Variants in GRTP1 observed in about 807,000 individuals in gnomAD.
GRTP1 encodes the protein growth hormone regulated TBC protein 1, also known as growth hormone-regulated TBC protein 1.
A neutral mutation model predicts 38.1 loss-of-function variants in GRTP1; 56 were observed. The ratio of observed to expected loss-of-function variants is 1.47; its 90% CI spans 1.19 to 1.84. The LOEUF is 1.84. Ranked by LOEUF, GRTP1 falls within the 40% of genes most tolerant of loss-of-function variation. GRTP1 has a pLI of 0.00. For synonymous variants in GRTP1, 217 were observed against 189.5 expected, an observed-to-expected ratio of 1.14 and a Z score of -1.19; for missense variants, 506 against 453.9, an observed-to-expected ratio of 1.11 and a Z score of -1.04.
At position 113,340,197 on chromosome 13, in the gene GRTP1, T is replaced by C. The variant is rs1012520335; in HGVS notation, c.562+4666A>G. ...TACGATTACAGGTATGAGCCACAGA[T>C]TTATTTTTAAAAAACAGGAATTAAT... On this transcript the variant is annotated intron_variant, in intron 5 of 7. Coordinates refer to ENST00000375431, the MANE Select transcript of GRTP1 (RefSeq NM_024719.4). Among the ~76,000 whole-genome samples the C allele has an allele frequency of 2.0e-5, 3 of 151,774 alleles. 1 individual carries two copies. The East Asian group carries it at 5.8e-4, about 29-fold the overall frequency.
intron 4 of GRTP1, among the ~76,000 whole-genome samples, chr13:113,347,694 G>C (rs1224775600): frequency 9.6e-6 from 1 of 103,816 alleles, no homozygotes. Flanking sequence ...AGACCCGGGA[G>C]GACCTCTGTG....
intron 2 of GRTP1, among the ~76,000 whole-genome samples, chr13:113,356,115 G>A (rs1049474719): frequency 7.9e-5 from 12 of 152,148 alleles, no homozygotes; most frequent in Non-Finnish European, 1.8e-4. Context: ...TTAGGCAGAT[G>A]GAAAAGGTAT....
At chr13:113,328,657 C>T (rs1173448820) in intron 5 of GRTP1, among the ~76,000 whole-genome samples, 1 of 152,204 alleles carries the variant, frequency 6.6e-6, no homozygotes, top group Non-Finnish European at 1.5e-5. Context: ...GTAGCTGGGA[C>T]CACAGGTGTG....
At chr13:113,353,650 C>G (rs187593911) in intron 3 of GRTP1, among the ~76,000 whole-genome samples, 8 of 152,012 alleles carry the variant, frequency 5.3e-5, no homozygotes, top group Non-Finnish European at 8.8e-5. Context: ...GACAAGCGCA[C>G]AGCGGGATTG....
At chr13:113,346,119 AGGACCTCTGTGGACAAGAGCAGACCCG>A (rs1566429199) in intron 4 of GRTP1, among the ~76,000 whole-genome samples, 15 of 138,438 alleles carry the variant, frequency 1.1e-4, no homozygotes, top group African/African-American at 4.0e-4. Context: ...CAGACCCGGG[AGGACCTCTGTGGACAAGAGCAGACCCG>A]GGAGGACCTC....
intron 5 of GRTP1, chr13:113,339,329 T>A (rs1393994422): frequency 1.3e-5 from 2 of 152,252 alleles, no homozygotes; most frequent in African/African-American, 4.8e-5. Flanking sequence ...TTGCTTATGA[T>A]GTCTCTTACC....
At position 113,348,205 on chromosome 13, in the gene GRTP1, A is replaced by C. The variant is rs963798284; in HGVS notation, c.465+2644T>G. Among the ~76,000 whole-genome samples the C allele has an allele frequency of 6.6e-6, 1 of 152,200 alleles. No homozygotes were observed. Among genetic ancestry groups the C allele is most frequent in the Admixed American group, 6.5e-5 (1 of 15,278 alleles). ...GCCAGGCACAGTGGGGGATCCCAGC[A>C]CTGTGAGAGGTAGAGGCAGGAGGAT... On this transcript the variant is annotated intron_variant, in intron 4 of 7. Coordinates refer to ENST00000375431, the MANE Select transcript of GRTP1 (RefSeq NM_024719.4). This position sits in a 1 kb window ranked among gnomAD's most constrained non-coding sequence, Gnocchi z 4.8.
In GRTP1 at chr13:113,324,473, A is replaced by G. The variant is rs765733123; in HGVS notation, c.*15T>C. 67 of 1,597,184 alleles carry G rather than the reference A, an allele frequency of 4.2e-5. No homozygotes were observed. Among genetic ancestry groups the G allele is most frequent in the Non-Finnish European group, 5.0e-5 (59 of 1,172,378 alleles). ...TCGTCAGTGTAGAGACGAGCAACGCAGGGGACAGGCACGCTCACCCCTGTG... is the reference window on the plus strand; with the variant it reads ...TCGTCAGTGTAGAGACGAGCAACGCGGGGGACAGGCACGCTCACCCCTGTG... On this transcript the variant is annotated 3_prime_UTR_variant, in exon 8 of 8. Transcript: ENST00000375431.
rs2043034274 is a variant in GRTP1, at chr13:113,342,107, T to C, written c.562+2756A>G. The stretch of plus-strand genomic sequence containing the variant: ...ACAGGCATCTGCCACCACACCTGTC[T>C]AATTTTTGTATTTTTAGTGGAGGTG... On this transcript the variant is annotated intron_variant, in intron 5 of 7. Coordinates refer to ENST00000375431, the MANE Select transcript of GRTP1 (RefSeq NM_024719.4). This position sits in a 1 kb window ranked among gnomAD's most constrained non-coding sequence, Gnocchi z 4.5. Among the ~76,000 whole-genome samples, 1 of 152,158 alleles carries C rather than the reference T, an allele frequency of 6.6e-6. No homozygotes were observed. Among genetic ancestry groups the C allele is most frequent in the Admixed American group, 6.5e-5 (1 of 15,274 alleles).
At chr13:113,355,258 T>C in intron 3 of GRTP1, 65 bp downstream of exon 3, 1 of 1,558,368 alleles carries the variant, frequency 6.4e-7, no homozygotes, top group African/African-American at 1.4e-5. Context: ...GGCTAGACAC[T>C]GGGTGGAAAC....
chr13:113,355,363 C>G lies in GRTP1; in HGVS notation c.300G>C (p.Gln100His), dbSNP rs376154757. Residue 100 changes from glutamine to histidine, a missense_variant, in exon 3 of 8, where the codon CAG (glutamine) becomes CAC (histidine). By Grantham distance (24) the Gln-to-His change is conservative. Transcript: ENST00000375431. Reference sequence around the variant, plus strand: ...CCTCCAGCCTGGGGTTTCTCTCTCCCTGGAGAAGCTGGTGGTAGTAGCCGG... The same window carrying G: ...CCTCCAGCCTGGGGTTTCTCTCTCCGTGGAGAAGCTGGTGGTAGTAGCCGG... ...QNPGYYHQLL[Q>H]GERNPRLEDA... The G allele has an allele frequency of 6.2e-7, 1 of 1,614,116 alleles. No homozygotes were observed. The highest frequency in any genetic ancestry group is 8.5e-7 in the Non-Finnish European group (1 of 1,180,006).
rs1466477219 is a variant in GRTP1 at position 113,349,970 on chromosome 13, C to A, written c.465+879G>T. Among the ~76,000 whole-genome samples, 1 of 152,140 alleles carries A rather than the reference C, an allele frequency of 6.6e-6. No homozygotes were observed. The highest frequency in any genetic ancestry group is 2.4e-5 in the African/African-American group (1 of 41,400). On this transcript the variant is annotated intron_variant, in intron 4 of 7. Coordinates refer to ENST00000375431, the MANE Select transcript of GRTP1 (RefSeq NM_024719.4). The surrounding 1 kb of genome is among the most constrained non-coding windows in gnomAD (Gnocchi z 5.0). ...CCCTAGGAGCCCGTGAAGCACATGG[C>A]CTAAAATGCCAGGAACGCACTCTCC...
rs570649633 is a variant in GRTP1, at chr13:113,355,577, C to T, written c.182-96G>A. 2.0e-3 allele frequency: 2,773 copies of T among 1,361,908 alleles called. 89 individuals are homozygous for T. In the South Asian group the frequency reaches 0.041, roughly 20 times the overall value. 84.4% of individuals were successfully genotyped at this position (1,361,908 alleles called of 1,614,324 possible). A position where few individuals can be genotyped will look rare whatever the true frequency, so the allele number is the denominator to read the frequency against. ...ACTTTCCACTCTCACCAGTTCTCTT[C>T]TTAAATCAAATATTAAAGAGACCCA... On this transcript the variant is annotated intron_variant, in intron 2 of 7. Transcript: ENST00000375431.
intron 5 of GRTP1, among the ~76,000 whole-genome samples, chr13:113,334,905 C>T (rs893921449): frequency 3.3e-4 from 51 of 152,270 alleles, no homozygotes; most frequent in Non-Finnish European, 5.7e-4. Context: ...TCACTGCAAG[C>T]TCCGCCTCCC....
chr13:113,354,708 G>C (rs1184307102), intron 3 of GRTP1, among the ~76,000 whole-genome samples: 3 of 152,038 alleles, frequency 2.0e-5, no homozygotes, highest in Non-Finnish European at 4.4e-5. Context: ...TGTATTTTTA[G>C]TAGAGACCGG....
At chr13:113,337,586 C>T (rs6577039) in intron 5 of GRTP1, among the ~76,000 whole-genome samples, 148,210 of 152,340 alleles carry the variant, frequency 0.97, 72,231 homozygotes, top group East Asian at 1. Flanking sequence ...GTGCTTTCTG[C>T]GCAACCCTCT....
intron 4 of GRTP1, among the ~76,000 whole-genome samples, chr13:113,347,447 C>T (rs1189398193): frequency 1.4e-4 from 13 of 92,360 alleles, no homozygotes; most frequent in East Asian, 5.6e-4. Context: ...TGGCTGAGAG[C>T]AGACCCAGGA....
At chr13:113,357,854 C>A (rs1034780970) in intron 2 of GRTP1, among the ~76,000 whole-genome samples, 4 of 152,168 alleles carry the variant, frequency 2.6e-5, no homozygotes, top group Admixed American at 2.6e-4. Flanking sequence ...GGTACTTCTA[C>A]AAACTAATAA....
intron 3 of GRTP1, 37 bp downstream of exon 3, chr13:113,355,286 C>A (rs772185067): frequency 3.1e-6 from 5 of 1,604,992 alleles, no homozygotes; most frequent in Admixed American, 1.7e-5. Flanking sequence ...TTCCGGCCCC[C>A]GGGCCCTGCA....
Sources: allele counts gnomAD v4.1 joint callset (sites outside exome capture counted in the v4.1 genomes callset), GRCh38; gene constraint gnomAD v4.1.1; non-coding constraint Gnocchi (gnomAD v3.1); transcripts MANE v1.5; gene names NCBI Gene and HGNC (gene_info 2026-07-23, HGNC 2026-07-21).